The following RAPGEF4 variants were observed in gnomAD, a reference collection of about 807,000 sequenced individuals.
The protein encoded by RAPGEF4 is Rap guanine nucleotide exchange factor 4.
A neutral mutation model predicts 147.9 loss-of-function variants in RAPGEF4; 66 were observed. That is an observed-to-expected ratio of 0.45 (90% CI 0.37 to 0.55). The LOEUF (loss-of-function observed/expected upper bound fraction) is 0.55, where lower values mean the gene tolerates loss of function less well. Ranked by LOEUF, RAPGEF4 falls within the 20% of genes least tolerant of loss-of-function variation. The probability of loss-of-function intolerance (pLI) is 0.00; values close to 1 mark genes in which losing one functional copy is unlikely to be tolerated. For synonymous variants in RAPGEF4, 419 were observed against 442.7 expected (o/e 0.95, Z 0.67); for missense variants, 1,071 against 1,257.3 (o/e 0.85, Z 2.24).
At chr2:172,890,220 T>C (rs1697745759) in intron 4 of RAPGEF4, among the ~76,000 whole-genome samples, 1 of 152,218 alleles carries the variant, frequency 6.6e-6, no homozygotes. Context: ...AGTGGCTCTA[T>C]TTAAGGAGAG....
chr2:172,768,613 T>C (rs1280671073), intron 1 of RAPGEF4, among the ~76,000 whole-genome samples: 1 of 152,024 alleles, frequency 6.6e-6, no homozygotes, highest in East Asian at 1.9e-4. Context: ...GCCGGTGACA[T>C]CATTAGCATA....
chr2:172,792,418 A>G (rs1685913568), intron 1 of RAPGEF4, among the ~76,000 whole-genome samples: 1 of 152,200 alleles, frequency 6.6e-6, no homozygotes, highest in Admixed American at 6.5e-5. Context: ...TATTTCCCCA[A>G]GTCAAGCCTG....
At chr2:172,744,460 T>C (rs1247956751) in intron 1 of RAPGEF4, 34 of 455,796 alleles carry the variant, frequency 7.5e-5, no homozygotes, top group Admixed American at 7.3e-4. Context: ...TGGTCATCTC[T>C]AGAGAGAAAA....
chr2:172,976,705 A>G (rs993920728), intron 10 of RAPGEF4, among the ~76,000 whole-genome samples: 4 of 152,188 alleles, frequency 2.6e-5, no homozygotes, highest in Non-Finnish European at 5.9e-5. Context: ...ATATTTTACT[A>G]TGGGCCATGC....
intron 1 of RAPGEF4, among the ~76,000 whole-genome samples, chr2:172,764,482 A>G (rs934513002): frequency 6.6e-6 from 1 of 152,182 alleles, no homozygotes; most frequent in Non-Finnish European, 1.5e-5. Flanking sequence ...TGACTTTTCA[A>G]TGGAAATGTA....
intron 27 of RAPGEF4, among the ~76,000 whole-genome samples, chr2:173,035,249 C>T (rs1683815401): frequency 6.6e-6 from 1 of 151,800 alleles, no homozygotes; most frequent in Non-Finnish European, 1.5e-5. Flanking sequence ...TGGCTCACAC[C>T]TATAATCCCA....
intron 4 of RAPGEF4, among the ~76,000 whole-genome samples, chr2:172,841,629 G>A (rs969432569): frequency 2.0e-5 from 3 of 152,094 alleles, no homozygotes; most frequent in Non-Finnish European, 4.4e-5. Flanking sequence ...GAAACACTCT[G>A]CCTATTTCTA....
intron 4 of RAPGEF4, among the ~76,000 whole-genome samples, chr2:172,846,522 G>A (rs922615331): frequency 1.3e-5 from 2 of 152,012 alleles, no homozygotes; most frequent in Non-Finnish European, 2.9e-5. Flanking sequence ...GTGAAGTCTA[G>A]GGGGTTGGGT....
At position 172,990,858 on chromosome 2, in the gene RAPGEF4, T is replaced by C; in HGVS notation, c.1423T>C (p.Leu475=). 1 of 1,614,096 alleles carries C rather than the reference T, an allele frequency of 6.2e-7. No individual in the cohort carries two copies. Residue 475 remains leucine (L), a synonymous_variant, in exon 15 of 31, where the codon TTG becomes CTG. Transcript: ENST00000397081. ...VRLKEHDQDV[L]VLEKVPAGNR... ...ACTTAAAGAACATGACCAAGATGTC[T>C]TGGTGCTGGAGAAGGTCCCAGCAGG...
At chr2:172,774,913 T>C (rs1376557658) in intron 1 of RAPGEF4, among the ~76,000 whole-genome samples, 1 of 152,234 alleles carries the variant, frequency 6.6e-6, no homozygotes, top group Non-Finnish European at 1.5e-5. Flanking sequence ...ATTCTGATGC[T>C]GTTTATCTCT....
chr2:172,764,211 G>T (rs1228021595), intron 1 of RAPGEF4, among the ~76,000 whole-genome samples: 1 of 151,142 alleles, frequency 6.6e-6, no homozygotes, highest in East Asian at 2.0e-4. Context: ...CCATGATCAC[G>T]CACTGCGCTC....
chr2:173,050,275 G>T (rs992521081), intron 30 of RAPGEF4, among the ~76,000 whole-genome samples: 1 of 152,186 alleles, frequency 6.6e-6, no homozygotes, highest in East Asian at 1.9e-4. Context: ...ACAGTATATT[G>T]TACGTGTAGA....
Position 172,917,799 on chromosome 2 carries a change from C to T in RAPGEF4, c.445-3C>T. ...GTGTTGAGTTTACAATCTTGTCTTT[C>T]AGAAATATCGACAGTATATGGCAGG... is the stretch of plus-strand genomic sequence containing the variant. On this transcript the variant is annotated splice_region_variant and splice_polypyrimidine_tract_variant and intron_variant, in intron 4 of 30. Coordinates refer to ENST00000397081, the MANE Select transcript of RAPGEF4 (RefSeq NM_007023.4). 1 of 1,611,478 alleles carries T rather than the reference C, an allele frequency of 6.2e-7. No individual in the cohort carries two copies. Among genetic ancestry groups the T allele is most frequent in the Non-Finnish European group, 8.5e-7 (1 of 1,177,706 alleles).
chr2:173,028,148 G>A (rs970080407), intron 25 of RAPGEF4, among the ~76,000 whole-genome samples: 1 of 152,178 alleles, frequency 6.6e-6, no homozygotes, highest in Non-Finnish European at 1.5e-5. Context: ...GGAATTATTT[G>A]CCAACAACTT....
At chr2:172,830,294 G>A (rs1574972730) in intron 4 of RAPGEF4, among the ~76,000 whole-genome samples, 1 of 152,178 alleles carries the variant, frequency 6.6e-6, no homozygotes, top group East Asian at 1.9e-4. Flanking sequence ...AAGTTCCAGA[G>A]ATCAAAACAG....
intron 4 of RAPGEF4, among the ~76,000 whole-genome samples, chr2:172,857,577 G>A (rs1247667596): frequency 6.6e-6 from 1 of 152,104 alleles, no homozygotes; most frequent in African/African-American, 2.4e-5. Flanking sequence ...ATCTTGGCTT[G>A]GGCCATCTTA....
intron 3 of RAPGEF4, among the ~76,000 whole-genome samples, chr2:172,808,851 C>G (rs1687747719): frequency 6.6e-6 from 1 of 152,232 alleles, no homozygotes; most frequent in African/African-American, 2.4e-5. Flanking sequence ...GGGATTTTCC[C>G]TGCTGAGCAT....
intron 3 of RAPGEF4, among the ~76,000 whole-genome samples, chr2:172,807,678 T>G (rs1354102916): frequency 6.6e-6 from 1 of 152,224 alleles, no homozygotes; most frequent in African/African-American, 2.4e-5. Context: ...ATAAAACTTA[T>G]AAAAATATTT....
chr2:173,001,310 C>A lies in RAPGEF4; in HGVS notation c.1624C>A (p.Pro542Thr), dbSNP rs372092370. The A allele has an allele frequency of 1.9e-6, 3 of 1,614,004 alleles. No individual in the cohort carries two copies. Among genetic ancestry groups the A allele is most frequent in the Non-Finnish European group, 1.7e-6 (2 of 1,179,956 alleles). Residue 542 changes from proline (P) to threonine (T), a missense_variant, in exon 17 of 31, where the codon CCA becomes ACA. Pro to Thr is a conservative substitution (Grantham distance 38, BLOSUM62 -1). Coordinates refer to ENST00000397081, the MANE Select transcript of RAPGEF4 (RefSeq NM_007023.4). ...DFIMMHCVFMPNTQLCPALVA... is the reference protein window; with the variant it reads ...DFIMMHCVFMTNTQLCPALVA... The stretch of plus-strand genomic sequence containing the variant: ...TATTATGATGCACTGTGTTTTTATG[C>A]CAAATACCCAGCTTTGCCCGGCACT...
Sources: allele counts gnomAD v4.1 joint callset (sites outside exome capture counted in the v4.1 genomes callset), GRCh38; gene constraint gnomAD v4.1.1; transcripts MANE v1.5; gene names NCBI Gene and HGNC (gene_info 2026-07-23, HGNC 2026-07-21).